Variants in PCDH15 observed in about 807,000 individuals in gnomAD.
The protein encoded by PCDH15 is protocadherin related 15.
A neutral mutation model predicts 178.5 loss-of-function variants in PCDH15; 129 were observed. The ratio of observed to expected loss-of-function variants is 0.72; its 90% CI spans 0.63 to 0.84. PCDH15 has a LOEUF of 0.84. Ranked by LOEUF, PCDH15 falls within the 40% of genes least tolerant of loss-of-function variation. The pLI is 0.00. For synonymous variants in PCDH15, 800 were observed against 732.0 expected, an observed-to-expected ratio of 1.09 and a Z score of -1.50; for missense variants, 2,230 against 2,099.9, an observed-to-expected ratio of 1.06 and a Z score of -1.21.
intron 1 of PCDH15, among the ~76,000 whole-genome samples, chr10:55,174,383 C>T (rs943013265): frequency 6.6e-6 from 1 of 152,094 alleles, no homozygotes; most frequent in African/African-American, 2.4e-5. Flanking sequence ...CTCATCTTAC[C>T]CACTCTCTCT....
chr10:55,412,098 C>T (rs182894515), intron 2 of PCDH15, among the ~76,000 whole-genome samples: 1 of 151,916 alleles, frequency 6.6e-6, no homozygotes, highest in East Asian at 1.9e-4. Context: ...AATGTGAAAA[C>T]ATCAGAGCAG....
chr10:55,088,582 A>G (rs1175762891), intron 2 of PCDH15, among the ~76,000 whole-genome samples: 1 of 152,038 alleles, frequency 6.6e-6, no homozygotes, highest in Non-Finnish European at 1.5e-5. Flanking sequence ...ACTAGGAAGC[A>G]TGAATTTAAA....
chr10:55,110,677 C>T (rs1237831223), intron 2 of PCDH15, among the ~76,000 whole-genome samples: 4 of 151,010 alleles, frequency 2.6e-5, no homozygotes, highest in Admixed American at 2.6e-4. Flanking sequence ...GGTTCCTGTT[C>T]CTTAAAAGCA....
chr10:55,594,103 T>G (rs1439530788), intron 2 of PCDH15, among the ~76,000 whole-genome samples: 2 of 151,970 alleles, frequency 1.3e-5, no homozygotes, highest in Non-Finnish European at 2.9e-5. Context: ...TCATTCTAGC[T>G]ACTGACATAA....
chr10:54,647,513 C>A (rs111608332), intron 2 of PCDH15, among the ~76,000 whole-genome samples: 2 of 152,048 alleles, frequency 1.3e-5, no homozygotes, highest in African/African-American at 4.8e-5. Flanking sequence ...AAAGGTAGAA[C>A]CTCTACTTGA....
In PCDH15 at chr10:54,760,674, C is replaced by G. The variant is rs186596915; in HGVS notation, c.-29+40251G>C. On this transcript the variant is annotated intron_variant, in intron 1 of 37. Transcript: ENST00000644397. ...CATCCTTTGTGTTTATTTATCAGGA[C>G]TGTGAACATCACAAACAATTTGAGA... Among the ~76,000 whole-genome samples the G allele has an allele frequency of 9.9e-5, 15 of 152,156 alleles. No individual in the cohort carries two copies. In the East Asian group the frequency reaches 2.9e-3, roughly 29 times the overall value.
At chr10:54,413,103 A>G (rs1953796620) in intron 3 of PCDH15, among the ~76,000 whole-genome samples, 1 of 152,178 alleles carries the variant, frequency 6.6e-6, no homozygotes, top group Non-Finnish European at 1.5e-5. Flanking sequence ...AGTCTAGCAA[A>G]TTTCCTGGCC....
chr10:55,459,717 G>C (rs1839631667), intron 2 of PCDH15, among the ~76,000 whole-genome samples: 1 of 152,034 alleles, frequency 6.6e-6, no homozygotes, highest in South Asian at 2.1e-4. Context: ...TTAATGACTG[G>C]CTAAGAGAGA....
chr10:54,188,969 G>A (rs1564635150), intron 11 of PCDH15, among the ~76,000 whole-genome samples: 1 of 151,870 alleles, frequency 6.6e-6, no homozygotes, highest in Non-Finnish European at 1.5e-5. Context: ...GGTAGTAGTT[G>A]CCTGAGTATT....
At chr10:53,954,867 T>C (rs1255713522) in intron 23 of PCDH15, among the ~76,000 whole-genome samples, 1 of 152,248 alleles carries the variant, frequency 6.6e-6, no homozygotes, top group Non-Finnish European at 1.5e-5. Context: ...AAAATGTTTC[T>C]ATTCTATCAT....
intron 9 of PCDH15, among the ~76,000 whole-genome samples, chr10:54,228,281 A>G (rs989793427): frequency 6.6e-6 from 1 of 152,118 alleles, no homozygotes; most frequent in African/African-American, 2.4e-5. Flanking sequence ...AGGAGGAGCA[A>G]CCCACATCTT....
At chr10:53,914,692 A>G (rs1341094210) in intron 25 of PCDH15, among the ~76,000 whole-genome samples, 1 of 152,178 alleles carries the variant, frequency 6.6e-6, no homozygotes, top group Admixed American at 6.5e-5. Flanking sequence ...GCAGCAAACC[A>G]ACATGGCACA....
intron 3 of PCDH15, among the ~76,000 whole-genome samples, chr10:54,842,662 C>A (rs760785224): frequency 1.6e-4 from 24 of 151,864 alleles, no homozygotes; most frequent in African/African-American, 7.2e-5. Context: ...AGTCTGCTTA[C>A]ATCCTTGCTC....
At chr10:53,836,973 A>C (rs977841260) in intron 29 of PCDH15, among the ~76,000 whole-genome samples, 4 of 152,214 alleles carry the variant, frequency 2.6e-5, no homozygotes, top group African/African-American at 9.7e-5. Flanking sequence ...TTCTAAAAAG[A>C]TAAAAAGATG....
chr10:53,984,148 C>CTTTTTTTTTTTTTTTTTTTTTTTTT (rs66540462), intron 21 of PCDH15, among the ~76,000 whole-genome samples: 4 of 63,562 alleles, frequency 6.3e-5, no homozygotes, highest in African/African-American at 2.2e-4. Context: ...TTTTTCTTTT[C>CTTTTTTTTTTTTTTTTTTTTTTTTT]TTTTTTTTTT....
chr10:55,374,196 A>G (rs1845569809), intron 2 of PCDH15, among the ~76,000 whole-genome samples: 1 of 151,996 alleles, frequency 6.6e-6, no homozygotes, highest in African/African-American at 2.4e-5. Flanking sequence ...TTTGTGTCAT[A>G]TGGCACCTAG....
chr10:54,766,211 G>A (rs1314959052), intron 1 of PCDH15, among the ~76,000 whole-genome samples: 1 of 152,014 alleles, frequency 6.6e-6, no homozygotes, highest in African/African-American at 2.4e-5. Flanking sequence ...TAGAACTTAT[G>A]AAAGAGAAAT....
chr10:54,132,110 T>G (rs2042485638), intron 15 of PCDH15, among the ~76,000 whole-genome samples: 1 of 152,166 alleles, frequency 6.6e-6, no homozygotes, highest in African/African-American at 2.4e-5. Context: ...TAAACTCTGT[T>G]CTCTGAACAT....
intron 2 of PCDH15, among the ~76,000 whole-genome samples, chr10:54,648,859 A>G (rs1048783253): frequency 1.3e-5 from 2 of 152,184 alleles, no homozygotes; most frequent in African/African-American, 4.8e-5. Context: ...CCATGAATCC[A>G]GCAGATCATG....
Sources: gnomAD v4.1 joint callset for allele counts (sites outside exome capture counted in the v4.1 genomes callset) on GRCh38, gnomAD v4.1.1 for gene constraint, MANE v1.5 for transcripts, NCBI Gene and HGNC (gene_info 2026-07-23, HGNC 2026-07-21) for gene names.